The following DMD variants were observed in gnomAD, a reference collection of about 807,000 sequenced individuals.
The protein encoded by DMD is dystrophin.
DMD carries 63 observed loss-of-function variants against 330.1 expected under a neutral mutation model. The ratio of observed to expected loss-of-function variants is 0.19; its 90% CI spans 0.16 to 0.24. The LOEUF is 0.24. Ranked by LOEUF, DMD falls within the 10% of genes least tolerant of loss-of-function variation. The probability of loss-of-function intolerance (pLI) is 1.00; values close to 1 mark genes in which losing one functional copy is unlikely to be tolerated. For synonymous variants in DMD, 1,223 were observed against 959.8 expected, an observed-to-expected ratio of 1.27 and a Z score of -5.07; for missense variants, 3,344 against 2,684.1, an observed-to-expected ratio of 1.25 and a Z score of -5.43.
intron 60 of DMD, among the ~76,000 whole-genome samples, chrX:31,390,165 A>G (rs1264872020): frequency 9.1e-6 from 1 of 109,784 alleles, no homozygotes; most frequent in African/African-American, 3.3e-5. Context: ...GCCCAGACCG[A>G]AAGCCATCCA....
intron 44 of DMD, among the ~76,000 whole-genome samples, chrX:32,158,029 A>G (rs1008423374): frequency 4.5e-5 from 5 of 112,199 alleles, no homozygotes; most frequent in African/African-American, 1.6e-4. Flanking sequence ...GGATTAGTAT[A>G]TTTTATTCCA....
chrX:32,635,119 G>A (rs7065646), intron 11 of DMD, among the ~76,000 whole-genome samples: 5,382 of 111,228 alleles, frequency 0.048, 177 homozygotes, highest in African/African-American at 0.1. Flanking sequence ...CACTGTGACA[G>A]GGCAGCACTG....
chrX:32,269,070 G>A (rs919099322), intron 43 of DMD, among the ~76,000 whole-genome samples: 32 of 111,221 alleles, frequency 2.9e-4, no homozygotes, highest in South Asian at 1.2e-3. Context: ...GCAGCTTCCC[G>A]ATAAGATCGC....
At chrX:32,651,872 T>C (rs957250593) in intron 9 of DMD, among the ~76,000 whole-genome samples, 2 of 112,061 alleles carry the variant, frequency 1.8e-5, no homozygotes, top group African/African-American at 6.5e-5. Context: ...GCTAACAAAT[T>C]CTTTCTAAAA....
chrX:32,105,904 C>T lies in DMD; in HGVS notation c.6438+111012G>A, dbSNP rs149703060. Among the ~76,000 whole-genome samples the T allele has an allele frequency of 2.1e-4, 24 of 111,760 alleles. No homozygotes were observed. In the East Asian group the frequency reaches 6.8e-3, roughly 32 times the overall value. On this transcript the variant is annotated intron_variant, in intron 44 of 78. Coordinates refer to ENST00000357033, the MANE Select transcript of DMD (RefSeq NM_004006.3). Reference sequence around the variant, plus strand: ...AATAATTTGTATCAGACTTAATTCACGAGAGAAAAGTGAAAGTTCTGCGGC... The same window carrying T: ...AATAATTTGTATCAGACTTAATTCATGAGAGAAAAGTGAAAGTTCTGCGGC...
At chrX:31,472,399 CAAT>C (rs1433800481) in intron 59 of DMD, among the ~76,000 whole-genome samples, 1 of 111,982 alleles carries the variant, frequency 8.9e-6, no homozygotes, top group Non-Finnish European at 1.9e-5. Context: ...AAAATTAATA[CAAT>C]AAGAAGAAAA....
At chrX:33,327,966 G>C (rs968440069) in intron 1 of DMD, among the ~76,000 whole-genome samples, 1 of 111,836 alleles carries the variant, frequency 8.9e-6, no homozygotes, top group African/African-American at 3.2e-5. Context: ...TAATGTACTA[G>C]TAATTATGTT....
chrX:31,266,956 G>A, intron 62 of DMD: 2 of 1,085,628 alleles, frequency 1.8e-6, no homozygotes, highest in African/African-American at 1.9e-5. Flanking sequence ...AAGCACTGCG[G>A]AGGAGCCGGC....
intron 3 of DMD, among the ~76,000 whole-genome samples, chrX:32,849,320 T>G (rs938348135): frequency 2.7e-5 from 3 of 111,721 alleles, no homozygotes; most frequent in Non-Finnish European, 5.6e-5. Context: ...TCACATATGC[T>G]ATCACGTATT....
At chrX:32,694,547 G>A (rs2147523392) in intron 9 of DMD, among the ~76,000 whole-genome samples, 1 of 112,226 alleles carries the variant, frequency 8.9e-6, no homozygotes, top group African/African-American at 3.2e-5. Context: ...AAATGACTTT[G>A]ATGAAATATT....
chrX:31,819,816 A>G (rs773776849), intron 50 of DMD, among the ~76,000 whole-genome samples, 159 bp downstream of exon 50: 8 of 113,079 alleles, frequency 7.1e-5, no homozygotes, highest in Non-Finnish European at 1.5e-4. Flanking sequence ...TCAATTTCCA[A>G]GGAATGTACT....
rs867745757 is a variant in DMD, at chrX:31,421,944, T to C, written c.9084+22537A>G. The stretch of plus-strand genomic sequence containing the variant: ...ATATATATATATATACACACACACA[T>C]ATATATATATATATACACATATATA... On this transcript the variant is annotated intron_variant, in intron 60 of 78. Coordinates refer to ENST00000357033, the MANE Select transcript of DMD (RefSeq NM_004006.3). Among the ~76,000 whole-genome samples the C allele has an allele frequency of 1.7e-3, 121 of 71,660 alleles. 2 individuals are homozygous for C. The highest frequency in any genetic ancestry group is 5.6e-3 in the East Asian group (12 of 2,158). 62.2% of individuals were successfully genotyped at this position (71,660 alleles called of 115,157 possible). A position where few individuals can be genotyped will look rare whatever the true frequency, so the allele number is the denominator to read the frequency against.
At chrX:31,596,001 C>T (rs758779157) in intron 55 of DMD, among the ~76,000 whole-genome samples, 2 of 111,265 alleles carry the variant, frequency 1.8e-5, no homozygotes, top group East Asian at 5.6e-4. Flanking sequence ...GAGAAACCAT[C>T]AGCAAAAAGC....
In DMD at chrX:32,473,641, T is replaced by C. The variant is rs776725401; in HGVS notation, c.2804-1332A>G. On this transcript the variant is annotated intron_variant, in intron 21 of 78. Transcript: ENST00000357033. ...ATAATCTTAGAGAGTGTGTTGGCAA[T>C]GGATGCTGAAATGTTAGAAATGGAT... Among the ~76,000 whole-genome samples, 8 of 111,471 alleles carry C rather than the reference T, an allele frequency of 7.2e-5. No homozygotes were observed. In the South Asian group the frequency reaches 1.9e-3, roughly 26 times the overall value.
intron 9 of DMD, among the ~76,000 whole-genome samples, chrX:32,697,091 C>G (rs1291578568): frequency 9.0e-6 from 1 of 111,687 alleles, no homozygotes; most frequent in Non-Finnish European, 1.9e-5. Context: ...TAGCACGTTT[C>G]GAATTGGCTC....
chrX:32,773,356 A>G (rs1024028082), intron 7 of DMD, among the ~76,000 whole-genome samples: 1 of 111,257 alleles, frequency 9.0e-6, no homozygotes, highest in South Asian at 3.8e-4. Context: ...ATGATAAATC[A>G]GGGAAATTAG....
At chrX:32,889,816 ACC>A (rs1353985623) in intron 2 of DMD, among the ~76,000 whole-genome samples, 2 of 110,781 alleles carry the variant, frequency 1.8e-5, no homozygotes, top group East Asian at 5.7e-4. Flanking sequence ...GCCCACCTGC[ACC>A]CAGGTGAAAT....
chrX:32,418,112 A>G (rs1782814885), intron 29 of DMD, among the ~76,000 whole-genome samples: 1 of 111,367 alleles, frequency 9.0e-6, no homozygotes, highest in African/African-American at 3.3e-5. Context: ...GCTGAACCCA[A>G]TTAGATTTAA....
At chrX:31,246,889 G>C (rs192663935) in intron 63 of DMD, among the ~76,000 whole-genome samples, 31 of 109,383 alleles carry the variant, frequency 2.8e-4, no homozygotes, top group African/African-American at 7.0e-4. Context: ...TCGTACCACT[G>C]CACTCCAGCC....
Sources: allele counts gnomAD v4.1 joint callset (sites outside exome capture counted in the v4.1 genomes callset), GRCh38; gene constraint gnomAD v4.1.1; transcripts MANE v1.5; gene names NCBI Gene and HGNC (gene_info 2026-07-23, HGNC 2026-07-21).